The following NEK1 variants were observed in gnomAD, a reference collection of about 807,000 sequenced individuals.
NEK1 encodes serine/threonine-protein kinase Nek1.
A neutral mutation model predicts 182.1 loss-of-function variants in NEK1; 137 were observed. That is an observed-to-expected ratio of 0.75 (90% CI 0.65 to 0.87). The LOEUF is 0.87. Ranked by LOEUF, NEK1 falls within the 40% of genes least tolerant of loss-of-function variation. NEK1 has a pLI of 0.00. For missense variants in NEK1, 1,391 were observed against 1,494.4 expected (o/e 0.93, Z 1.14); for synonymous variants, 513 against 492.2 (o/e 1.04, Z -0.56).
chr4:169,577,182 T>C, intron 11 of NEK1, 103 bp from the exon 12 acceptor site: 5 of 1,110,920 alleles, frequency 4.5e-6, no homozygotes, highest in Non-Finnish European at 5.2e-6. Flanking sequence ...TAATCATTGA[T>C]AGTATTTTAA....
chr4:169,494,658 C>T (rs1163108369), intron 23 of NEK1, among the ~76,000 whole-genome samples: 1 of 152,152 alleles, frequency 6.6e-6, no homozygotes, highest in African/African-American at 2.4e-5. Flanking sequence ...TTCTAGATCC[C>T]TGAGGAATCG....
chr4:169,456,407 A>T (rs888096700), intron 27 of NEK1, among the ~76,000 whole-genome samples: 4 of 152,192 alleles, frequency 2.6e-5, no homozygotes, highest in African/African-American at 9.6e-5. Context: ...AATACAAAAG[A>T]TAAATGAAAT....
intron 27 of NEK1, among the ~76,000 whole-genome samples, chr4:169,457,533 C>T (rs1199958974): frequency 6.6e-6 from 1 of 150,994 alleles, no homozygotes; most frequent in South Asian, 2.1e-4. Context: ...AGGCGGATCA[C>T]TTGAGGCCAT....
chr4:169,450,774 A>G (rs999848157), intron 27 of NEK1, among the ~76,000 whole-genome samples: 7 of 152,248 alleles, frequency 4.6e-5, no homozygotes, highest in African/African-American at 1.7e-4. Context: ...AACAGTGAAC[A>G]TCATAATGAC....
intron 9 of NEK1, among the ~76,000 whole-genome samples, chr4:169,585,801 A>G (rs1767438893): frequency 6.6e-6 from 1 of 152,162 alleles, no homozygotes; most frequent in Non-Finnish European, 1.5e-5. Flanking sequence ...AACGTTTCAT[A>G]AACTATAACA....
chr4:169,428,317 T>C (rs1049373919), intron 29 of NEK1, among the ~76,000 whole-genome samples: 3 of 123,474 alleles, frequency 2.4e-5, no homozygotes, highest in East Asian at 2.8e-4. Flanking sequence ...ACAACCTACG[T>C]GCCCATCAAC....
intron 18 of NEK1, among the ~76,000 whole-genome samples, chr4:169,547,989 T>C (rs1760801901): frequency 6.6e-6 from 1 of 152,224 alleles, no homozygotes; most frequent in South Asian, 2.1e-4. Flanking sequence ...ATCAAACTCA[T>C]TCTCTGTCCA....
chr4:169,420,783 G>A (rs1225362514), intron 31 of NEK1, among the ~76,000 whole-genome samples: 1 of 152,072 alleles, frequency 6.6e-6, no homozygotes, highest in African/African-American at 2.4e-5. Flanking sequence ...CCAAAGGAAG[G>A]AAGAATAAAA....
chr4:169,508,488 A>G (rs1483052709), intron 20 of NEK1, among the ~76,000 whole-genome samples, 157 bp from the exon 21 acceptor site: 1 of 152,226 alleles, frequency 6.6e-6, no homozygotes, highest in Non-Finnish European at 1.5e-5. Flanking sequence ...ATTAGCTTTC[A>G]AGTGTTTAAT....
chr4:169,574,962 A>G (rs575869914), intron 12 of NEK1, among the ~76,000 whole-genome samples: 2 of 152,272 alleles, frequency 1.3e-5, no homozygotes, highest in African/African-American at 4.8e-5. Flanking sequence ...TCTGGAAGAG[A>G]TTACAGGTTG....
At chr4:169,511,550 G>A (rs546439043) in intron 19 of NEK1, among the ~76,000 whole-genome samples, 3 of 152,120 alleles carry the variant, frequency 2.0e-5, no homozygotes, top group East Asian at 1.9e-4. Context: ...GAATATACAG[G>A]GAGGTCCTGT....
chr4:169,482,982 C>G (rs945057418), intron 23 of NEK1, among the ~76,000 whole-genome samples: 6 of 152,086 alleles, frequency 3.9e-5, no homozygotes, highest in African/African-American at 1.4e-4. Flanking sequence ...TTTGCATTCA[C>G]AACTTGGATA....
In NEK1 at chr4:169,507,087, G is replaced by A. The variant is rs773156346; in HGVS notation, c.1957C>T (p.Arg653Ter). Residue 653 changes from arginine to a stop codon, truncating the protein, a stop_gained, in exon 23 of 36, where the codon CGA becomes TGA. Transcript: ENST00000507142. LOFTEE classifies it high-confidence loss of function. ...RAAVLKEQLE[R>*]KRKEAYEREK... ...CTCTCATAAGCCTCCTTTCTCTTTCGTTCTAGTTGTTCTTTTAGTACAGCA... is the reference window on the plus strand; with the variant it reads ...CTCTCATAAGCCTCCTTTCTCTTTCATTCTAGTTGTTCTTTTAGTACAGCA... 5.0e-6 allele frequency: 8 copies of A among 1,602,014 alleles called. No individual in the cohort carries two copies. Among genetic ancestry groups the A allele is most frequent in the African/African-American group, 4.1e-5 (3 of 73,924 alleles).
intron 4 of NEK1, among the ~76,000 whole-genome samples, chr4:169,600,457 G>A (rs566036722): frequency 5.9e-4 from 90 of 152,096 alleles, no homozygotes; most frequent in Non-Finnish European, 1.1e-3. Context: ...TCAGCCTCCC[G>A]AAGTTGCTGA....
At chr4:169,597,572 G>A (rs1052594830) in intron 5 of NEK1, among the ~76,000 whole-genome samples, 2 of 152,188 alleles carry the variant, frequency 1.3e-5, no homozygotes, top group Admixed American at 6.5e-5. Flanking sequence ...GGAGTGCAAG[G>A]CAGCCATGAG....
At chr4:169,479,940 G>A (rs17627342) in intron 23 of NEK1, among the ~76,000 whole-genome samples, 1,750 of 152,196 alleles carry the variant, frequency 0.011, 15 homozygotes, top group Non-Finnish European at 0.018. Context: ...CTCAACATAA[G>A]AGCCCTCATA....
intron 19 of NEK1, among the ~76,000 whole-genome samples, chr4:169,526,221 G>A (rs1756872647): frequency 6.6e-6 from 1 of 152,172 alleles, no homozygotes; most frequent in African/African-American, 2.4e-5. Context: ...CAGTCACAAT[G>A]GGTCATGCAT....
intron 23 of NEK1, among the ~76,000 whole-genome samples, chr4:169,496,652 T>C (rs533426790): frequency 6.7e-6 from 1 of 149,524 alleles, no homozygotes; most frequent in East Asian, 1.9e-4. Context: ...TCTGCATCTA[T>C]TGAGATAATC....
In NEK1 at chr4:169,400,545, G is replaced by A; in HGVS notation, c.3690C>T (p.Phe1230=). The A allele has an allele frequency of 6.2e-7, 1 of 1,604,030 alleles. No individual in the cohort carries two copies. Among genetic ancestry groups the A allele is most frequent in the Non-Finnish European group, 8.5e-7 (1 of 1,176,486 alleles). ...CCTTTATTTTCTCATAAACCTCAAA[G>A]AATTTTTCAAAGCCCATTTCCTGCT... ...HLEQEMGFEK[F]FEVYEKIKAI... is the part of the protein sequence containing the mutation. Residue 1230 remains phenylalanine, a synonymous_variant, in exon 34 of 36, where the codon TTC becomes TTT. Coordinates refer to ENST00000507142, the MANE Select transcript of NEK1 (RefSeq NM_001199397.3).
Sources: allele counts gnomAD v4.1 joint callset (sites outside exome capture counted in the v4.1 genomes callset), GRCh38; gene constraint gnomAD v4.1.1; transcripts MANE v1.5; gene names NCBI Gene and HGNC (gene_info 2026-07-23, HGNC 2026-07-21).